Variants in KIF26B observed in about 807,000 individuals in gnomAD.
KIF26B encodes kinesin-like protein KIF26B.
In KIF26B, 63 loss-of-function variants were observed where a neutral mutation model predicts 151.2. That is an observed-to-expected ratio of 0.42 (90% confidence interval 0.34 to 0.51). The LOEUF is 0.51. KIF26B is among the 20% of genes least tolerant of loss of function. The pLI is 0.07. For synonymous variants in KIF26B, 1,357 were observed against 1,262.1 expected (o/e 1.08, Z -1.59); for missense variants, 2,813 against 2,913.6 (o/e 0.97, Z 0.79).
chr1:245,612,099 T>A (rs546347782), intron 9 of KIF26B, 123 bp downstream of exon 9: 8,414 of 585,162 alleles, frequency 0.014, 96 homozygotes, highest in East Asian at 0.043. Context: ...TGTGTGTGTG[T>A]GTGTGTGAGA....
intron 2 of KIF26B, among the ~76,000 whole-genome samples, chr1:245,268,477 A>AATAATC (rs1190819793): frequency 1.3e-4 from 3 of 23,578 alleles, no homozygotes; most frequent in Non-Finnish European, 2.0e-4. Flanking sequence ...TCCAAATAAT[A>AATAATC]ATAATAATAA....
rs919726310 is a variant in KIF26B at position 245,606,521 on chromosome 1, T to G, written c.1558-1130T>G. Among the ~76,000 whole-genome samples, 1 of 152,194 alleles carries G rather than the reference T, an allele frequency of 6.6e-6. No individual in the cohort carries two copies. The highest frequency in any genetic ancestry group is 2.4e-5 in the African/African-American group (1 of 41,436). On this transcript the variant is annotated intron_variant, in intron 6 of 14. Coordinates refer to ENST00000407071, the MANE Select transcript of KIF26B (RefSeq NM_018012.4). This position sits in a 1 kb window ranked among gnomAD's most constrained non-coding sequence, Gnocchi z 4.6. ...AGGTGCTAAACAAAGAGAAGGACAT[T>G]TCCCAGATCTCCAAGTTAGTCCACA...
rs747466143 is a variant in KIF26B at position 245,367,387 on chromosome 1, C to T, written c.999+20C>T. 9 of 1,562,542 alleles carry T rather than the reference C, an allele frequency of 5.8e-6. No homozygotes were observed. In the East Asian group the frequency reaches 1.6e-4, roughly 29 times the overall value. On this transcript the variant is annotated intron_variant, in intron 3 of 14. Coordinates refer to ENST00000407071, the MANE Select transcript of KIF26B (RefSeq NM_018012.4). The surrounding 1 kb of genome is among the most constrained non-coding windows in gnomAD (Gnocchi z 4.2). ...TACCAGGTAAGTAGCCTGTGTGAGCCAGGAAGAGCAGGGCTGGCTGGAGTC... is the reference window on the plus strand; with the variant it reads ...TACCAGGTAAGTAGCCTGTGTGAGCTAGGAAGAGCAGGGCTGGCTGGAGTC...
At chr1:245,308,130 C>T (rs991028702) in intron 2 of KIF26B, among the ~76,000 whole-genome samples, 7 of 152,162 alleles carry the variant, frequency 4.6e-5, no homozygotes, top group African/African-American at 1.4e-4. Context: ...GAATTTTTCC[C>T]AGAGAGAGTT....
At chr1:245,306,003 G>A (rs1348109279) in intron 2 of KIF26B, among the ~76,000 whole-genome samples, 1 of 150,042 alleles carries the variant, frequency 6.7e-6, no homozygotes, top group African/African-American at 2.4e-5. Flanking sequence ...AGAGAACTTG[G>A]CACTTTCTCA....
intron 4 of KIF26B, among the ~76,000 whole-genome samples, chr1:245,489,317 A>G (rs1001847643): frequency 6.6e-6 from 1 of 152,246 alleles, no homozygotes; most frequent in Non-Finnish European, 1.5e-5. Context: ...CATGTCAGTT[A>G]TGAATAAACA....
intron 9 of KIF26B, among the ~76,000 whole-genome samples, chr1:245,613,860 T>C (rs1005032763): frequency 4.6e-5 from 7 of 152,212 alleles, no homozygotes; most frequent in African/African-American, 1.7e-4. Flanking sequence ...TTGATGTGTC[T>C]TTAGATGAGT....
intron 2 of KIF26B, among the ~76,000 whole-genome samples, chr1:245,282,341 A>G (rs1303808207): frequency 6.6e-6 from 1 of 152,176 alleles, no homozygotes; most frequent in Non-Finnish European, 1.5e-5. Flanking sequence ...CTGACTTCAA[A>G]GTTTTCGTTT....
intron 2 of KIF26B, among the ~76,000 whole-genome samples, chr1:245,334,503 A>T (rs2102992672): frequency 6.6e-6 from 1 of 152,280 alleles, no homozygotes; most frequent in African/African-American, 2.4e-5. Context: ...CTCATAAAAC[A>T]TGTAGGTGAG....
At chr1:245,658,980 C>A (rs2044103614) in intron 10 of KIF26B, among the ~76,000 whole-genome samples, 1 of 152,050 alleles carries the variant, frequency 6.6e-6, no homozygotes, top group Non-Finnish European at 1.5e-5. Context: ...ACTTGTAATC[C>A]CAGCACTTCA....
At chr1:245,527,523 G>GTTTTTTTTTT (rs1219756621) in intron 4 of KIF26B, among the ~76,000 whole-genome samples, 1 of 40,522 alleles carries the variant, frequency 2.5e-5, no homozygotes, top group African/African-American at 9.0e-5. Flanking sequence ...CTTTGGGATG[G>GTTTTTTTTTT]CTTTTTTTTT....
chr1:245,662,184 T>TATATATATACCCAATG (rs1553301801), intron 10 of KIF26B, among the ~76,000 whole-genome samples: 89 of 149,768 alleles, frequency 5.9e-4, no homozygotes, highest in African/African-American at 2.0e-3. Context: ...ACACACCCAA[T>TATATATATACCCAATG]ATATATATAC....
rs368843482 is a variant in KIF26B, at chr1:245,688,338, G to A, written c.5355G>A (p.Gln1785=). The stretch of plus-strand genomic sequence containing the variant: ...GGAAGCACACGCCCTGGTCCACGCA[G>A]TCCCTCAGCAGGAACAGGAGCTCGG... The part of the protein sequence containing the change: ...PGGKHTPWST[Q]SLSRNRSSGL... The change falls in exon 12 of 15, where the codon CAG becomes CAA. Residue 1785 remains glutamine (Q), a synonymous_variant. Coordinates refer to ENST00000407071, the MANE Select transcript of KIF26B (RefSeq NM_018012.4). The A allele has an allele frequency of 2.8e-5, 44 of 1,588,366 alleles. No homozygotes were observed. The African/African-American group carries it at 5.4e-4, about 19-fold the overall frequency.
chr1:245,474,406 C>CTTTT (rs201678465), intron 4 of KIF26B, among the ~76,000 whole-genome samples: 1 of 144,430 alleles, frequency 6.9e-6, no homozygotes. Context: ...CTGCTCCTGG[C>CTTTT]TTTTTTTTGT....
chr1:245,432,681 T>C (rs972533816), intron 4 of KIF26B, among the ~76,000 whole-genome samples: 12 of 152,188 alleles, frequency 7.9e-5, no homozygotes, highest in African/African-American at 2.7e-4. Flanking sequence ...GAAGACATTA[T>C]AGAAACTAAA....
chr1:245,632,941 G>C (rs1302584861), intron 9 of KIF26B, among the ~76,000 whole-genome samples: 1 of 152,018 alleles, frequency 6.6e-6, no homozygotes, highest in Non-Finnish European at 1.5e-5. Flanking sequence ...GAGTGGTGGA[G>C]GCCTCAACTA....
chr1:245,330,841 G>A (rs1202654235), intron 2 of KIF26B, among the ~76,000 whole-genome samples: 11 of 149,168 alleles, frequency 7.4e-5, no homozygotes, highest in African/African-American at 2.7e-4. Flanking sequence ...GAGTGGGGGT[G>A]TCGGAGGATG....
At chr1:245,618,562 T>A (rs1299450678) in intron 9 of KIF26B, among the ~76,000 whole-genome samples, 1 of 150,472 alleles carries the variant, frequency 6.6e-6, no homozygotes, top group African/African-American at 2.5e-5. Context: ...CTGTGTCTGC[T>A]GTGTGCTGTT....
chr1:245,552,122 GGTGTGTGTGTGT>G (rs55650522), intron 5 of KIF26B, among the ~76,000 whole-genome samples: 2,665 of 131,694 alleles, frequency 0.02, 107 homozygotes, highest in African/African-American at 0.067. Context: ...GAACCAGCAG[GGTGTGTGTGTGT>G]GTGTGTGTGT....
Sources: allele counts gnomAD v4.1 joint callset (sites outside exome capture counted in the v4.1 genomes callset), GRCh38; gene constraint gnomAD v4.1.1; non-coding constraint Gnocchi (gnomAD v3.1); transcripts MANE v1.5; gene names NCBI Gene and HGNC (gene_info 2026-07-23, HGNC 2026-07-21).